The following SLC35F1 variants were observed in gnomAD, a reference collection of about 807,000 sequenced individuals.
SLC35F1 encodes the protein solute carrier family 35 member F1.
Under a neutral mutation model 48.7 loss-of-function variants are expected in SLC35F1, and 14 were observed. The ratio of observed to expected loss-of-function variants is 0.29; its 90% CI spans 0.19 to 0.45. The LOEUF (loss-of-function observed/expected upper bound fraction) is 0.45. SLC35F1 is among the 20% of genes least tolerant of loss of function. The pLI, the probability that SLC35F1 is intolerant of heterozygous loss-of-function variation, is 1.00. For synonymous variants in SLC35F1, 190 were observed against 202.2 expected, an observed-to-expected ratio of 0.94 and a Z score of 0.51; for missense variants, 404 against 500.0, an observed-to-expected ratio of 0.81 and a Z score of 1.83.
At chr6:117,974,955 G>A (rs1219842937) in intron 1 of SLC35F1, among the ~76,000 whole-genome samples, 1 of 152,194 alleles carries the variant, frequency 6.6e-6, no homozygotes, top group African/African-American at 2.4e-5. Context: ...GAATGAGAGT[G>A]ATAAAGGCAA....
rs59548308 is a variant in SLC35F1, at chr6:118,085,487, C to CTTTTTTTTTTT, written c.174-68940_174-68930dup. On this transcript the variant is annotated intron_variant, in intron 1 of 7. Transcript: ENST00000360388. The stretch of plus-strand genomic sequence containing the variant: ...TTTTCTCTTTTTTTTTCTTTCTTTC[C>CTTTTTTTTTTT]TTTTTTTTTTTTTTTTTTTTTTTTT... Among the ~76,000 whole-genome samples, 31 of 56,956 alleles carry CTTTTTTTTTTT rather than the reference C, an allele frequency of 5.4e-4. 4 individuals carry two copies. The highest frequency in any genetic ancestry group is 1.1e-3 in the African/African-American group (15 of 13,566). The allele number at this position is 56,956 out of a possible 152,430, so 37.4% of individuals were successfully genotyped here. A position where few individuals can be genotyped will look rare whatever the true frequency, so the allele number is the denominator to read the frequency against.
chr6:118,216,180 T>A lies in SLC35F1; in HGVS notation c.350-19329T>A, dbSNP rs1416426863. 2.6e-5 allele frequency among the ~76,000 whole-genome samples: 4 copies of A among 151,152 alleles called. No homozygotes were observed. In the East Asian group the frequency reaches 7.8e-4, roughly 29 times the overall value. On this transcript the variant is annotated intron_variant, in intron 2 of 7. Transcript: ENST00000360388. The stretch of plus-strand genomic sequence containing the variant: ...GCAACCTTGTTTTCCTGGGCTCAAG[T>A]GATCCTACCAGCTCAGCCTCTCTTG...
At chr6:117,927,328 T>G (rs1473996361) in intron 1 of SLC35F1, among the ~76,000 whole-genome samples, 2 of 152,202 alleles carry the variant, frequency 1.3e-5, no homozygotes, top group Non-Finnish European at 2.9e-5. Flanking sequence ...GTAACTATGA[T>G]GCTATCCTTT....
intron 1 of SLC35F1, among the ~76,000 whole-genome samples, chr6:118,144,469 T>C (rs1026671637): frequency 1.3e-5 from 2 of 151,728 alleles, no homozygotes; most frequent in African/African-American, 4.8e-5. Flanking sequence ...TCAGGATAAA[T>C]AGCTAATGCA....
chr6:118,090,079 G>T (rs1046383331), intron 1 of SLC35F1, among the ~76,000 whole-genome samples: 1 of 152,134 alleles, frequency 6.6e-6, no homozygotes, highest in Non-Finnish European at 1.5e-5. Flanking sequence ...AGAACTCAAA[G>T]ATGTCAAGAT....
chr6:117,999,187 T>G, intron 1 of SLC35F1: 1 of 1,595,542 alleles, frequency 6.3e-7, no homozygotes, highest in South Asian at 1.1e-5. Context: ...GTGCCGAGGC[T>G]ATCAAGGCCC....
chr6:118,086,422 C>G (rs920962579), intron 1 of SLC35F1, among the ~76,000 whole-genome samples: 1 of 152,216 alleles, frequency 6.6e-6, no homozygotes, highest in Non-Finnish European at 1.5e-5. Flanking sequence ...GGTTAGGATA[C>G]TTGAACTCAC....
intron 1 of SLC35F1, among the ~76,000 whole-genome samples, chr6:118,074,907 G>C (rs374991533): frequency 3.9e-5 from 6 of 152,188 alleles, no homozygotes; most frequent in African/African-American, 1.4e-4. Context: ...GACTACCAAA[G>C]TGCTGGGATT....
chr6:117,992,471 G>T (rs1402610669), intron 1 of SLC35F1, among the ~76,000 whole-genome samples: 1 of 151,980 alleles, frequency 6.6e-6, no homozygotes, highest in East Asian at 1.9e-4. Flanking sequence ...TTCGCCTCTT[G>T]TCTTCTCTCA....
chr6:118,282,817 A>G (rs1210500563), intron 6 of SLC35F1, among the ~76,000 whole-genome samples: 1 of 152,016 alleles, frequency 6.6e-6, no homozygotes, highest in Non-Finnish European at 1.5e-5. Flanking sequence ...TTCACAGACC[A>G]CTTCCCTTCT....
intron 1 of SLC35F1, among the ~76,000 whole-genome samples, chr6:118,051,128 G>A (rs1772384280): frequency 6.6e-6 from 1 of 152,124 alleles, no homozygotes; most frequent in Non-Finnish European, 1.5e-5. Context: ...AAGAATTTCT[G>A]CATTATAGAT....
intron 7 of SLC35F1, among the ~76,000 whole-genome samples, chr6:118,305,047 AATGTGTGTGT>A (rs1378725928): frequency 7.3e-5 from 5 of 68,682 alleles, no homozygotes; most frequent in Admixed American, 3.8e-4. Flanking sequence ...AATCAACAGG[AATGTGTGTGT>A]GTGTGTGTGT....
intron 6 of SLC35F1, among the ~76,000 whole-genome samples, chr6:118,281,202 C>CTATATATATATA (rs1385900669): frequency 2.6e-4 from 33 of 127,284 alleles, no homozygotes; most frequent in African/African-American, 8.9e-4. Flanking sequence ...CTCTCTCTCT[C>CTATATATATATA]TCTATATATA....
chr6:117,947,366 A>C (rs369630938), intron 1 of SLC35F1, among the ~76,000 whole-genome samples: 1 of 152,156 alleles, frequency 6.6e-6, no homozygotes, highest in Non-Finnish European at 1.5e-5. Flanking sequence ...GAGGACTGGT[A>C]ATTGGAGAAG....
rs971749684 is a variant in SLC35F1 at position 118,315,606 on chromosome 6, A to G, written c.*1354A>G. ...AGGCACCTGCCACGACGCCCAGCTA[A>G]TTTTTTGTATTTTTAGTAGAGATGG... On this transcript the variant is annotated 3_prime_UTR_variant, in exon 8 of 8. Transcript: ENST00000360388. 1 of 151,768 alleles carries G rather than the reference A, an allele frequency of 6.6e-6. No homozygotes were observed. The highest frequency in any genetic ancestry group is 2.4e-5 in the African/African-American group (1 of 41,322). The allele number at this position is 151,768 out of a possible 1,614,324, so 9.4% of individuals were successfully genotyped here.
intron 3 of SLC35F1, among the ~76,000 whole-genome samples, chr6:118,243,211 T>C (rs1209966762): frequency 6.6e-6 from 1 of 152,228 alleles, no homozygotes; most frequent in Non-Finnish European, 1.5e-5. Flanking sequence ...GTAGGCTAAG[T>C]TGTATCAAAT....
chr6:117,910,042 C>T (rs1311101604), intron 1 of SLC35F1, among the ~76,000 whole-genome samples: 1 of 151,970 alleles, frequency 6.6e-6, no homozygotes, highest in Non-Finnish European at 1.5e-5. Context: ...TTTCCTTATC[C>T]TTAAAGGATA....
rs1173897962 is a variant in SLC35F1 at position 118,124,255 on chromosome 6, G to A, written c.174-30190G>A. Among the ~76,000 whole-genome samples the A allele has an allele frequency of 2.6e-5, 4 of 152,024 alleles. No homozygotes were observed. In the East Asian group the frequency reaches 7.7e-4, roughly 29 times the overall value. The stretch of plus-strand genomic sequence containing the variant: ...TTTCAACCCTAAAATGAAAATGTTG[G>A]ACTATATGTCCCTTTAGGTCATGCA... On this transcript the variant is annotated intron_variant, in intron 1 of 7. Coordinates refer to ENST00000360388, the MANE Select transcript of SLC35F1 (RefSeq NM_001029858.4).
chr6:118,049,309 G>GACTTCATGGCT, intron 1 of SLC35F1, among the ~76,000 whole-genome samples: 1 of 152,216 alleles, frequency 6.6e-6, no homozygotes, highest in Non-Finnish European at 1.5e-5. Flanking sequence ...CATGGGCAAG[G>GACTTCATGGCT]ACTTCATGGC....
Sources: allele counts gnomAD v4.1 joint callset (sites outside exome capture counted in the v4.1 genomes callset), GRCh38; gene constraint gnomAD v4.1.1; transcripts MANE v1.5; gene names NCBI Gene and HGNC (gene_info 2026-07-23, HGNC 2026-07-21).